APBB2: variants seen among roughly 807,000 people sequenced by gnomAD.
APBB2 encodes Fe65-like 1.
APBB2 carries 38 observed loss-of-function variants against 82.5 expected under a neutral mutation model. The ratio of observed to expected loss-of-function variants is 0.46; its 90% CI spans 0.36 to 0.60. APBB2 has a LOEUF of 0.60. Ranked by LOEUF, APBB2 falls within the 20% of genes least tolerant of loss-of-function variation. APBB2 has a pLI of 0.00. For missense variants in APBB2, 772 were observed against 972.3 expected, an observed-to-expected ratio of 0.79 and a Z score of 2.74; for synonymous variants, 341 against 368.2, an observed-to-expected ratio of 0.93 and a Z score of 0.85.
intron 1 of APBB2, among the ~76,000 whole-genome samples, chr4:41,148,296 G>A (rs1013281714): frequency 1.2e-4 from 18 of 152,148 alleles, no homozygotes; most frequent in African/African-American, 4.1e-4. Flanking sequence ...TGAAACAAGG[G>A]ATGAAGAAAT....
chr4:40,883,139 T>C (rs1221743283), intron 12 of APBB2, among the ~76,000 whole-genome samples: 1 of 152,176 alleles, frequency 6.6e-6, no homozygotes, highest in Non-Finnish European at 1.5e-5. Context: ...GCATGAGAAC[T>C]AACCTCTGGC....
At chr4:40,982,243 AAAG>A (rs1798770900) in intron 6 of APBB2, among the ~76,000 whole-genome samples, 1 of 10,546 alleles carries the variant, frequency 9.5e-5, no homozygotes, top group African/African-American at 3.1e-4. Context: ...AGAAAGAAAG[AAAG>A]AAAGAAAGAA....
At chr4:40,926,500 C>T (rs868042755) in intron 10 of APBB2, among the ~76,000 whole-genome samples, 5 of 151,898 alleles carry the variant, frequency 3.3e-5, no homozygotes, top group South Asian at 4.2e-4. Flanking sequence ...GGCTGGCATG[C>T]GGTGGCGCGA....
chr4:40,917,500 C>CT (rs139914028), intron 10 of APBB2, among the ~76,000 whole-genome samples: 14,382 of 152,074 alleles, frequency 0.095, 774 homozygotes, highest in Middle Eastern at 0.16. Context: ...CCCACAATAC[C>CT]TAGGTAAGTG....
At chr4:40,975,222 T>C (rs1796852865) in intron 6 of APBB2, among the ~76,000 whole-genome samples, 1 of 152,176 alleles carries the variant, frequency 6.6e-6, no homozygotes, top group Admixed American at 6.5e-5. Context: ...TATGAAACCA[T>C]GTTAGAAATG....
At chr4:41,077,370 A>G (rs919750301) in intron 3 of APBB2, among the ~76,000 whole-genome samples, 3 of 151,988 alleles carry the variant, frequency 2.0e-5, no homozygotes, top group African/African-American at 7.3e-5. Context: ...CCAGCATCTG[A>G]CAAATAGGAA....
chr4:41,083,266 T>C (rs928175057), intron 3 of APBB2, among the ~76,000 whole-genome samples: 5 of 152,106 alleles, frequency 3.3e-5, no homozygotes, highest in Non-Finnish European at 7.4e-5. Flanking sequence ...ATGTATGCTA[T>C]AGCTACAAAC....
intron 12 of APBB2, among the ~76,000 whole-genome samples, chr4:40,886,324 C>CA (rs1770256249): frequency 6.6e-6 from 1 of 152,120 alleles, no homozygotes; most frequent in South Asian, 2.1e-4. Flanking sequence ...ACTAAAAATA[C>CA]AAAAAATTGG....
At chr4:40,907,324 TATTTA>T (rs1426583032) in intron 10 of APBB2, among the ~76,000 whole-genome samples, 28 of 146,028 alleles carry the variant, frequency 1.9e-4, no homozygotes, top group African/African-American at 5.0e-4. Flanking sequence ...TGATATGCTT[TATTTA>T]ATTTAATTTA....
chr4:41,040,599 C>T (rs2154447115), intron 4 of APBB2, among the ~76,000 whole-genome samples: 1 of 152,246 alleles, frequency 6.6e-6, no homozygotes, highest in East Asian at 1.9e-4. Flanking sequence ...GGAGCTGGTA[C>T]CAGCTGTTCA....
chr4:40,961,793 T>C (rs1793383277), intron 6 of APBB2, among the ~76,000 whole-genome samples: 1 of 150,730 alleles, frequency 6.6e-6, no homozygotes, highest in Non-Finnish European at 1.5e-5. Flanking sequence ...TTCATTCATT[T>C]TCCACCACCC....
intron 3 of APBB2, among the ~76,000 whole-genome samples, chr4:41,095,258 A>G (rs1743113399): frequency 6.6e-6 from 1 of 152,268 alleles, no homozygotes; most frequent in South Asian, 2.1e-4. Flanking sequence ...ATATAAGATT[A>G]AATAAAATAA....
At chr4:40,994,018 G>A (rs570687566) in intron 6 of APBB2, among the ~76,000 whole-genome samples, 4 of 151,956 alleles carry the variant, frequency 2.6e-5, no homozygotes, top group East Asian at 1.9e-4. Context: ...GGCTGGGCGC[G>A]GTAGCTCACA....
chr4:41,138,133 C>T (rs1758098531), intron 2 of APBB2: 1 of 151,696 alleles, frequency 6.6e-6, no homozygotes, highest in East Asian at 1.9e-4. Flanking sequence ...CGTCACTGCA[C>T]TCCAGCCTGG....
Position 40,832,185 on chromosome 4 carries a change from A to C in APBB2, c.1530-1608T>G, listed in dbSNP as rs1752254401. 6.6e-6 allele frequency among the ~76,000 whole-genome samples: 1 copy of C among 152,204 alleles called. No individual in the cohort carries two copies. The highest frequency in any genetic ancestry group is 2.4e-5 in the African/African-American group (1 of 41,454). Reference sequence around the variant, plus strand: ...TATTTCTCTTAAGGTAAGACCTGGCAGCCTTTTCATAGACTATGATGGATA... The same window carrying C: ...TATTTCTCTTAAGGTAAGACCTGGCCGCCTTTTCATAGACTATGATGGATA... On this transcript the variant is annotated intron_variant, in intron 12 of 17. Coordinates refer to ENST00000508593, the MANE Select transcript of APBB2 (RefSeq NM_004307.2). This position sits in a 1 kb window ranked among gnomAD's most constrained non-coding sequence, Gnocchi z 4.8.
chr4:40,863,720 C>G (rs921124860), intron 12 of APBB2, among the ~76,000 whole-genome samples: 1 of 151,612 alleles, frequency 6.6e-6, no homozygotes, highest in Non-Finnish European at 1.5e-5. Context: ...TGGTGAAACC[C>G]TGTTTCTACG....
chr4:40,925,367 T>C (rs1238572085), intron 10 of APBB2, among the ~76,000 whole-genome samples: 1 of 152,236 alleles, frequency 6.6e-6, no homozygotes, highest in Non-Finnish European at 1.5e-5. Context: ...GGCTCCATCA[T>C]TACCCTCATT....
At chr4:41,110,079 C>G (rs1055867780) in intron 2 of APBB2, among the ~76,000 whole-genome samples, 4 of 151,468 alleles carry the variant, frequency 2.6e-5, no homozygotes, top group Non-Finnish European at 5.9e-5. Flanking sequence ...CATCAAGACT[C>G]CACCCAGAGA....
chr4:40,858,311 G>A (rs544610331), intron 12 of APBB2, among the ~76,000 whole-genome samples: 56 of 152,126 alleles, frequency 3.7e-4, no homozygotes, highest in African/African-American at 1.3e-3. Context: ...CTGGGCAAGC[G>A]TAAGTTATTT....
Sources: gnomAD v4.1 joint callset for allele counts (sites outside exome capture counted in the v4.1 genomes callset) on GRCh38, gnomAD v4.1.1 for gene constraint, Gnocchi (gnomAD v3.1) non-coding constraint, MANE v1.5 for transcripts, NCBI Gene and HGNC (gene_info 2026-07-23, HGNC 2026-07-21) for gene names.